DNAH1: variants seen among roughly 807,000 people sequenced by gnomAD.
DNAH1 encodes the protein axonemal beta dynein heavy chain 1.
DNAH1 carries 327 observed loss-of-function variants against 484.3 expected under a neutral mutation model. The ratio of observed to expected loss-of-function variants is 0.68; its 90% CI spans 0.62 to 0.74. The LOEUF is 0.74. Ranked by LOEUF, DNAH1 falls within the 30% of genes least tolerant of loss-of-function variation. The probability of loss-of-function intolerance (pLI) is 0.00; values close to 1 mark genes in which losing one functional copy is unlikely to be tolerated. For missense variants in DNAH1, 5,052 were observed against 5,546.8 expected, an observed-to-expected ratio of 0.91 and a Z score of 2.83; for synonymous variants, 2,192 against 2,191.9, an observed-to-expected ratio of 1.00 and a Z score of 0.00.
intron 1 of DNAH1, among the ~76,000 whole-genome samples, chr3:52,321,486 G>A (rs1158743326): frequency 6.6e-6 from 1 of 152,034 alleles, no homozygotes; most frequent in African/African-American, 2.4e-5. Context: ...CTAGCATTAT[G>A]TACAAACCTC....
upstream of DNAH1, among the ~76,000 whole-genome samples, chr3:52,315,165 A>AC (rs984576812): frequency 9.7e-4 from 148 of 151,910 alleles, 1 homozygote; most frequent in African/African-American, 3.4e-3. Flanking sequence ...CTTCTCTGAC[A>AC]CCCCCCGCCC....
At chr3:52,319,436 T>C (rs144616432) in intron 1 of DNAH1, among the ~76,000 whole-genome samples, 5 of 152,336 alleles carry the variant, frequency 3.3e-5, no homozygotes, top group Admixed American at 6.5e-5. Flanking sequence ...CTCTGAGAAA[T>C]GAGGATACTC....
chr3:52,360,318 T>C lies in DNAH1; in HGVS notation c.4579T>C (p.Trp1527Arg). 4 of 1,613,536 alleles carry C rather than the reference T, an allele frequency of 2.5e-6. No individual in the cohort carries two copies. Among genetic ancestry groups the C allele is most frequent in the Non-Finnish European group, 2.5e-6 (3 of 1,179,560 alleles). ...FQWISQLRYYWTNNDLYIRAV... is the reference protein window; with the variant it reads ...FQWISQLRYYRTNNDLYIRAV... ...ATCTCCCTGCACCGCCAGGTACTAC[T>C]GGACAAATAATGACCTGTATATCCG... The change falls in exon 28 of 78, where the codon TGG (tryptophan) becomes CGG (arginine). Residue 1527 changes from tryptophan to arginine, a missense_variant. Trp to Arg is a moderately radical substitution (Grantham distance 101). This residue lies in a region of DNAH1 where 2,929 missense variants were observed against 3,409.4 expected (regional missense o/e 0.86). Coordinates refer to ENST00000420323, the MANE Select transcript of DNAH1 (RefSeq NM_015512.5).
upstream of DNAH1, among the ~76,000 whole-genome samples, chr3:52,313,160 A>T (rs1246402305): frequency 1.3e-5 from 2 of 152,216 alleles, no homozygotes; most frequent in African/African-American, 4.8e-5. Context: ...ACTCTGCAGG[A>T]GGAGAGTGCT....
At chr3:52,318,670 A>C (rs1344435213) in intron 1 of DNAH1, among the ~76,000 whole-genome samples, 1 of 152,214 alleles carries the variant, frequency 6.6e-6, no homozygotes, top group Non-Finnish European at 1.5e-5. Flanking sequence ...GACAGGAAAA[A>C]CAGATGTGCA....
At chr3:52,354,300 C>T (rs1702516473) in intron 20 of DNAH1, among the ~76,000 whole-genome samples, 1 of 152,240 alleles carries the variant, frequency 6.6e-6, no homozygotes, top group Non-Finnish European at 1.5e-5. Context: ...ACCTTAGCTG[C>T]CTCCCAACAT....
chr3:52,341,160 G>T (rs1387132293), intron 8 of DNAH1, among the ~76,000 whole-genome samples: 1 of 152,144 alleles, frequency 6.6e-6, no homozygotes, highest in Admixed American at 6.5e-5. Context: ...GTGCATTCCT[G>T]TACCTGTAGC....
Position 52,399,781 on chromosome 3 carries a change from T to A in DNAH1, c.12676+2T>A. 6.2e-7 allele frequency: 1 copy of A among 1,613,370 alleles called. No individual in the cohort carries two copies. Among genetic ancestry groups the A allele is most frequent in the Non-Finnish European group, 8.5e-7 (1 of 1,179,590 alleles). On this transcript the variant is annotated splice_donor_variant, in intron 77 of 77. Transcript: ENST00000420323. LOFTEE classifies it high-confidence loss of function. ...TCTACAAGACACTGACTCGTGCTGG[T>A]ATGAGGCCTGGGATGGGAGCCTACA...
chr3:52,365,044 G>A (rs775830777), intron 34 of DNAH1, 25 bp downstream of exon 34: 11 of 1,590,510 alleles, frequency 6.9e-6, no homozygotes, highest in Admixed American at 6.8e-5. Flanking sequence ...CTGAGTGTTC[G>A]TGGAGGGGCT....
In DNAH1 at chr3:52,364,607, C is replaced by T. The variant is rs1257805848; in HGVS notation, c.5245-31C>T. On this transcript the variant is annotated intron_variant, in intron 32 of 77. Transcript: ENST00000420323. This position sits in a 1 kb window ranked among gnomAD's most constrained non-coding sequence, Gnocchi z 4.2. Reference sequence around the variant, plus strand: ...GCAGAAGCCTTGGAGAGGGACAGTGCTCACCCATGCCTCCTTCTGTATGGC... The same window carrying T: ...GCAGAAGCCTTGGAGAGGGACAGTGTTCACCCATGCCTCCTTCTGTATGGC... 5 of 1,611,918 alleles carry T rather than the reference C, an allele frequency of 3.1e-6. No individual in the cohort carries two copies. In the Admixed American group the frequency reaches 5.0e-5, roughly 16 times the overall value.
Position 52,378,629 on chromosome 3 carries a change from C to G in DNAH1, c.7226C>G (p.Thr2409Arg), listed in dbSNP as rs770649051. 1.2e-6 allele frequency: 2 copies of G among 1,613,438 alleles called. No individual in the cohort carries two copies. Among genetic ancestry groups the G allele is most frequent in the African/African-American group, 2.7e-5 (2 of 74,816 alleles). Residue 2409 changes from threonine to arginine, a missense_variant, in exon 47 of 78, where the codon ACG becomes AGG. Thr to Arg is a moderately conservative substitution (Grantham distance 71, BLOSUM62 -1). This residue lies in a region of DNAH1 where 2,929 missense variants were observed against 3,409.4 expected (regional missense o/e 0.86). Coordinates refer to ENST00000420323, the MANE Select transcript of DNAH1 (RefSeq NM_015512.5). The stretch of plus-strand genomic sequence containing the variant: ...GGGGCCCCCCACATTGCCCACTTCA[C>G]GGAGCCCCTTGTGGAAGCCACCATC... ...VPGAPHIAHF[T>R]EPLVEATIMV...
rs117916885 is a variant in DNAH1, at chr3:52,371,851, A to G, written c.6526-95A>G. The G allele has an allele frequency of 2.0e-5, 30 of 1,536,866 alleles. No individual in the cohort carries two copies. In the East Asian group the frequency reaches 5.0e-4, roughly 25 times the overall value. On this transcript the variant is annotated intron_variant, in intron 41 of 77. Coordinates refer to ENST00000420323, the MANE Select transcript of DNAH1 (RefSeq NM_015512.5). ...CCCGCTTGCCAAAGCCCAGCCGTGC[A>G]GCTCCTGGCCCTTCTGCACTTGGCC...
In DNAH1 at chr3:52,326,348, G is replaced by T. The variant is rs761212989; in HGVS notation, c.581+34G>T. 16 of 1,585,304 alleles carry T rather than the reference G, an allele frequency of 1.0e-5. No individual in the cohort carries two copies. In the Admixed American group the frequency reaches 2.7e-4, roughly 27 times the overall value. ...GGGTGGGCTGTGGGGAGACTGTCGG[G>T]GAGGTGGCATCCACCCGCCTCAGGG... On this transcript the variant is annotated intron_variant, in intron 4 of 77. Transcript: ENST00000420323.
At chr3:52,378,505 G>T in intron 46 of DNAH1, 97 bp from the exon 47 acceptor site, 1 of 1,324,086 alleles carries the variant, frequency 7.6e-7, no homozygotes, top group South Asian at 1.3e-5. Flanking sequence ...GGGCTTGGTG[G>T]GGGGCACAGC....
Position 52,350,624 on chromosome 3 carries a change from G to T in DNAH1, c.2729+34G>T, listed in dbSNP as rs370533795. ...GAGCTTGGCCCCCATGCCAGGTGCGGGGTGGAGCATGAGGGGAGCTGCTGA... is the reference window on the plus strand; with the variant it reads ...GAGCTTGGCCCCCATGCCAGGTGCGTGGTGGAGCATGAGGGGAGCTGCTGA... On this transcript the variant is annotated intron_variant, in intron 16 of 77. Coordinates refer to ENST00000420323, the MANE Select transcript of DNAH1 (RefSeq NM_015512.5). 6 of 1,600,586 alleles carry T rather than the reference G, an allele frequency of 3.7e-6. No individual in the cohort carries two copies. In the East Asian group the frequency reaches 9.0e-5, roughly 24 times the overall value.
intron 8 of DNAH1, among the ~76,000 whole-genome samples, chr3:52,335,188 T>C (rs1168129327): frequency 7.4e-6 from 1 of 135,938 alleles, no homozygotes; most frequent in African/African-American, 3.0e-5. Context: ...CCCGAGTAGC[T>C]GGAATTACAG....
At chr3:52,340,083 G>A (rs1367665878) in intron 8 of DNAH1, among the ~76,000 whole-genome samples, 1 of 151,988 alleles carries the variant, frequency 6.6e-6, no homozygotes, top group East Asian at 1.9e-4. Flanking sequence ...TTTACAGTTA[G>A]GGTTACTTTC....
intron 54 of DNAH1, among the ~76,000 whole-genome samples, chr3:52,385,700 AC>A (rs774032914): frequency 6.6e-6 from 1 of 151,976 alleles, no homozygotes; most frequent in Non-Finnish European, 1.5e-5. Context: ...AATAACCACA[AC>A]CCGGAGTCTG....
chr3:52,316,744 C>T (rs1386776159), intron 1 of DNAH1, among the ~76,000 whole-genome samples, 199 bp downstream of exon 1: 1 of 152,228 alleles, frequency 6.6e-6, no homozygotes, highest in Admixed American at 6.5e-5. Flanking sequence ...GTTCCAGACA[C>T]TTAGTGCCCA....
Sources: allele counts gnomAD v4.1 joint callset (sites outside exome capture counted in the v4.1 genomes callset), GRCh38; gene constraint gnomAD v4.1.1; regional missense constraint gnomAD v4.1.1; non-coding constraint Gnocchi (gnomAD v3.1); transcripts MANE v1.5; gene names NCBI Gene and HGNC (gene_info 2026-07-23, HGNC 2026-07-21).